PHLDB1: variants seen among roughly 807,000 people sequenced by gnomAD.
PHLDB1 encodes pleckstrin homology like domain family B member 1, also known as pleckstrin homology-like domain family B member 1.
Under a neutral mutation model 139.3 loss-of-function variants are expected in PHLDB1, and 65 were observed. That is an observed-to-expected ratio of 0.47 (90% confidence interval 0.38 to 0.57). PHLDB1 has a LOEUF of 0.57. PHLDB1 is among the 20% of genes least tolerant of loss of function. The pLI is 0.00. For missense variants in PHLDB1, 1,624 were observed against 1,839.7 expected (o/e 0.88, Z 2.14); for synonymous variants, 679 against 734.5 (o/e 0.92, Z 1.22).
upstream of PHLDB1, among the ~76,000 whole-genome samples, chr11:118,607,171 C>T (rs370203725): frequency 1.7e-3 from 250 of 151,134 alleles, 7 homozygotes; most frequent in South Asian, 0.05. Context: ...AGTGGGAGCC[C>T]GTGGAGGTTT....
chr11:118,628,467 T>C lies in PHLDB1; in HGVS notation c.1644T>C (p.Thr548=). 6.2e-7 allele frequency: 1 copy of C among 1,612,784 alleles called. No individual in the cohort carries two copies. Among genetic ancestry groups the C allele is most frequent in the Non-Finnish European group, 8.5e-7 (1 of 1,179,850 alleles). ...LSPAYSLGSL[T]GASPCQSPCV... is the part of the protein sequence containing the mutation. ...CAGCCTACAGTCTGGGCTCTCTTACTGGGGCTTCACCCTGCCAGAGTCCCT... is the reference window on the plus strand; with the variant it reads ...CAGCCTACAGTCTGGGCTCTCTTACCGGGGCTTCACCCTGCCAGAGTCCCT... Residue 548 remains threonine, a synonymous_variant, in exon 6 of 23, where the codon ACT becomes ACC. Coordinates refer to ENST00000600882, the MANE Select transcript of PHLDB1 (RefSeq NM_001144758.3).
In PHLDB1 at chr11:118,632,218, G is replaced by C. The variant is rs1555111831; in HGVS notation, c.2301G>C (p.Gln767His). 2 of 1,614,150 alleles carry C rather than the reference G, an allele frequency of 1.2e-6. No individual in the cohort carries two copies. The highest frequency in any genetic ancestry group is 1.7e-6 in the Non-Finnish European group (2 of 1,180,038). ...GGGAGGCAGAGCGGGCACTGCTGCAGAAGGAGCAGAAGGCAGTGGATCAGC... is the reference window on the plus strand; with the variant it reads ...GGGAGGCAGAGCGGGCACTGCTGCACAAGGAGCAGAAGGCAGTGGATCAGC... ...GEREAERALLQKEQKAVDQLQ... is the reference protein window; with the variant it reads ...GEREAERALLHKEQKAVDQLQ... The change falls in exon 9 of 23, where the codon CAG becomes CAC. Residue 767 changes from glutamine to histidine, a missense_variant. Transcript: ENST00000600882. The surrounding 1 kb of genome is among the most constrained non-coding windows in gnomAD (Gnocchi z 5.9).
chr11:118,614,979 G>A (rs554714153), intron 3 of PHLDB1: 74 of 322,748 alleles, frequency 2.3e-4, no homozygotes, highest in Non-Finnish European at 3.9e-4. Flanking sequence ...GGCGGATCAC[G>A]AGGTCAGGAG....
At chr11:118,619,190 G>C (rs949554740) in intron 4 of PHLDB1, among the ~76,000 whole-genome samples, 4 of 152,122 alleles carry the variant, frequency 2.6e-5, no homozygotes, top group African/African-American at 4.8e-5. Flanking sequence ...CCAAGCAGGG[G>C]AGGACCCAGA....
chr11:118,649,971 G>C, intron 18 of PHLDB1, 106 bp from the exon 19 acceptor site: 1 of 807,514 alleles, frequency 1.2e-6, no homozygotes, highest in Non-Finnish European at 2.2e-6. Flanking sequence ...GGGTTAGGGA[G>C]GTGTGATGTC....
Position 118,609,837 on chromosome 11 carries a change from T to C in PHLDB1, c.-22+2138T>C, listed in dbSNP as rs572735493. Among the ~76,000 whole-genome samples, 4 of 152,184 alleles carry C rather than the reference T, an allele frequency of 2.6e-5. No individual in the cohort carries two copies. The South Asian group carries it at 8.3e-4, about 32-fold the overall frequency. ...AAGGGGCCGCTACCTTGCGGAAACCTCCCTCCCTCGGCCCTGCGGACCGCG... is the reference window on the plus strand; with the variant it reads ...AAGGGGCCGCTACCTTGCGGAAACCCCCCTCCCTCGGCCCTGCGGACCGCG... On this transcript the variant is annotated intron_variant, in intron 1 of 22. Transcript: ENST00000600882.
intron 5 of PHLDB1, chr11:118,626,904 C>A: frequency 4.7e-6 from 1 of 212,536 alleles, no homozygotes; most frequent in South Asian, 7.9e-5. Flanking sequence ...ATCTGCCCGC[C>A]TTGGCCTCCC....
intron 1 of PHLDB1, among the ~76,000 whole-genome samples, chr11:118,612,696 T>C (rs1374115296): frequency 6.6e-6 from 1 of 152,216 alleles, no homozygotes; most frequent in Non-Finnish European, 1.5e-5. Flanking sequence ...GCTAAGGTCC[T>C]CGGGACCCAC....
intron 4 of PHLDB1, among the ~76,000 whole-genome samples, chr11:118,617,243 T>C (rs548112592): frequency 6.6e-6 from 1 of 152,040 alleles, no homozygotes; most frequent in Non-Finnish European, 1.5e-5. Context: ...GGGTGGAGGT[T>C]AGAGGTGAAG....
chr11:118,657,324 G>A lies in PHLDB1; in HGVS notation c.*501G>A, dbSNP rs1949164718. 6.5e-6 allele frequency: 1 copy of A among 154,714 alleles called. No individual in the cohort carries two copies. Among genetic ancestry groups the A allele is most frequent in the South Asian group, 2.0e-4 (1 of 4,974 alleles). 9.6% of individuals were successfully genotyped at this position (154,714 alleles called of 1,614,324 possible). A position where few individuals can be genotyped will look rare whatever the true frequency, so the allele number is the denominator to read the frequency against. ...GCCAGAGATCTCAAGTGTCAACCTT[G>A]AGGTCCCAGCTCCATCCCCTAGTTG... On this transcript the variant is annotated 3_prime_UTR_variant, in exon 23 of 23. Transcript: ENST00000600882.
intron 10 of PHLDB1, 86 bp downstream of exon 10, chr11:118,635,634 C>A (rs1012640083): frequency 5.9e-6 from 7 of 1,189,592 alleles, no homozygotes; most frequent in African/African-American, 1.6e-5. Context: ...AAGTTAACTT[C>A]GTCTTTTGTG....
At chr11:118,607,272 G>A (rs1166344700), upstream of PHLDB1, among the ~76,000 whole-genome samples, 4 of 139,000 alleles carry the variant, frequency 2.9e-5, no homozygotes, top group Non-Finnish European at 1.5e-5. Flanking sequence ...GTTAAAGCCT[G>A]GGAGTGGAGG....
intron 4 of PHLDB1, among the ~76,000 whole-genome samples, chr11:118,619,706 T>C (rs560461551): frequency 6.6e-6 from 1 of 152,250 alleles, no homozygotes; most frequent in Non-Finnish European, 1.5e-5. Context: ...TTTGACCCTA[T>C]ATGGTTCTTC....
intron 4 of PHLDB1, among the ~76,000 whole-genome samples, chr11:118,623,454 C>G (rs191680848): frequency 6.6e-6 from 1 of 152,084 alleles, no homozygotes; most frequent in East Asian, 1.9e-4. Flanking sequence ...TCCCACATGC[C>G]CTCCCCCTCC....
At chr11:118,613,389 C>T (rs1940887636) in intron 1 of PHLDB1, 1 of 987,722 alleles carries the variant, frequency 1.0e-6, no homozygotes, top group African/African-American at 1.7e-5. Flanking sequence ...CTGCCACCTA[C>T]CTGGGGGCCC....
chr11:118,616,304 T>A, intron 4 of PHLDB1, 93 bp downstream of exon 4: 1 of 1,154,790 alleles, frequency 8.7e-7, no homozygotes, highest in Non-Finnish European at 1.2e-6. Flanking sequence ...GTTGCCATGG[T>A]AACTGCCTGA....
chr11:118,650,346 T>C lies in PHLDB1; in HGVS notation c.3772-99T>C. The C allele has an allele frequency of 9.8e-7, 1 of 1,016,790 alleles. No homozygotes were observed. Among genetic ancestry groups the C allele is most frequent in the South Asian group, 1.3e-5 (1 of 78,044 alleles). The allele number at this position is 1,016,790 out of a possible 1,614,324, so 63.0% of individuals were successfully genotyped here. ...CTGGTGTGCTGGCCTGAGGAGATGT[T>C]GGGGACAATCCCCCATGAATACAGG... On this transcript the variant is annotated intron_variant, in intron 19 of 22. Transcript: ENST00000600882. The surrounding 1 kb of genome is among the most constrained non-coding windows in gnomAD (Gnocchi z 4.7).
In PHLDB1 at chr11:118,635,524, G is replaced by A. The variant is rs1301314309; in HGVS notation, c.2511G>A (p.Leu837=). 4 of 1,574,008 alleles carry A rather than the reference G, an allele frequency of 2.5e-6. No individual in the cohort carries two copies. The highest frequency in any genetic ancestry group is 3.4e-6 in the Non-Finnish European group (4 of 1,161,052). The part of the protein sequence containing the change: ...GQGLLRSKAE[L]LRSIAKRKER... ...GGCTGCTCCGGAGCAAGGCTGAGCT[G>A]CTCCGCAGCATCGCCAAGAGGAAGG... The change falls in exon 10 of 23, where the codon CTG becomes CTA. Residue 837 remains leucine (L), a synonymous_variant. Transcript: ENST00000600882.
chr11:118,621,449 C>T (rs909009136), intron 4 of PHLDB1: 5 of 152,196 alleles, frequency 3.3e-5, no homozygotes, highest in African/African-American at 1.2e-4. Flanking sequence ...CTCGGGAGGT[C>T]GGCCCGCCCC....
Sources: allele counts gnomAD v4.1 joint callset (sites outside exome capture counted in the v4.1 genomes callset), GRCh38; gene constraint gnomAD v4.1.1; non-coding constraint Gnocchi (gnomAD v3.1); transcripts MANE v1.5; gene names NCBI Gene and HGNC (gene_info 2026-07-23, HGNC 2026-07-21).